ADAMTSL3: variants seen among roughly 807,000 people sequenced by gnomAD.
The protein encoded by ADAMTSL3 is ADAMTS like 3.
ADAMTSL3 carries 128 observed loss-of-function variants against 201.7 expected under a neutral mutation model. That is an observed-to-expected ratio of 0.63 (90% CI 0.55 to 0.73). ADAMTSL3 has a LOEUF of 0.73. ADAMTSL3 is among the 30% of genes least tolerant of loss of function. ADAMTSL3 has a pLI of 0.00. For missense variants in ADAMTSL3, 1,990 were observed against 2,119.6 expected, an observed-to-expected ratio of 0.94 and a Z score of 1.20; for synonymous variants, 738 against 748.4, an observed-to-expected ratio of 0.99 and a Z score of 0.23.
At chr15:83,663,296 C>T (rs748830260) in intron 2 of ADAMTSL3, among the ~76,000 whole-genome samples, 2 of 152,132 alleles carry the variant, frequency 1.3e-5, no homozygotes, top group African/African-American at 2.4e-5. Flanking sequence ...TCCTTGCAGC[C>T]GCCCCCAATC....
intron 2 of ADAMTSL3, among the ~76,000 whole-genome samples, chr15:83,690,417 A>T (rs966775899): frequency 6.6e-6 from 1 of 151,990 alleles, no homozygotes; most frequent in Non-Finnish European, 1.5e-5. Context: ...TGCAACTTGG[A>T]CTGTTGCCCC....
chr15:83,990,854 G>T (rs576764258), intron 22 of ADAMTSL3, among the ~76,000 whole-genome samples: 1 of 151,964 alleles, frequency 6.6e-6, no homozygotes, highest in African/African-American at 2.4e-5. Context: ...TTGTTGCAAT[G>T]TACCTTTGAA....
chr15:83,679,283 T>C (rs1204699490), intron 2 of ADAMTSL3, among the ~76,000 whole-genome samples: 1 of 152,184 alleles, frequency 6.6e-6, no homozygotes, highest in Non-Finnish European at 1.5e-5. Flanking sequence ...TTAAGATGGC[T>C]GCTTTAACAT....
intron 28 of ADAMTSL3, among the ~76,000 whole-genome samples, 194 bp downstream of exon 28, chr15:84,031,626 A>T (rs1263210952): frequency 6.6e-6 from 1 of 152,218 alleles, no homozygotes. Context: ...CACTATTTAT[A>T]ACTATAAATT....
chr15:83,968,013 A>G (rs1001848830), intron 19 of ADAMTSL3, among the ~76,000 whole-genome samples: 1 of 152,178 alleles, frequency 6.6e-6, no homozygotes, highest in Non-Finnish European at 1.5e-5. Flanking sequence ...CCTTCCTTAC[A>G]CCTTATACAA....
intron 19 of ADAMTSL3, among the ~76,000 whole-genome samples, chr15:83,949,169 C>T (rs759865470): frequency 9.2e-5 from 14 of 151,382 alleles, no homozygotes; most frequent in Non-Finnish European, 1.9e-4. Flanking sequence ...ACTACCCTAC[C>T]CAGCCTTTGA....
At chr15:83,678,070 C>T (rs1261853127) in intron 2 of ADAMTSL3, among the ~76,000 whole-genome samples, 3 of 151,950 alleles carry the variant, frequency 2.0e-5, no homozygotes, top group Admixed American at 6.6e-5. Flanking sequence ...ATTTAGGTCC[C>T]CTTATTCTTT....
At chr15:83,826,315 G>T (rs891828675) in intron 6 of ADAMTSL3, among the ~76,000 whole-genome samples, 2 of 151,846 alleles carry the variant, frequency 1.3e-5, no homozygotes, top group Non-Finnish European at 2.9e-5. Context: ...TAGAGATCAG[G>T]TCTCACTATG....
At chr15:83,682,394 A>G (rs1358364338) in intron 2 of ADAMTSL3, among the ~76,000 whole-genome samples, 1 of 152,218 alleles carries the variant, frequency 6.6e-6, no homozygotes, top group African/African-American at 2.4e-5. Context: ...AGGGGACTCT[A>G]CTTGTCACAC....
intron 3 of ADAMTSL3, among the ~76,000 whole-genome samples, chr15:83,752,087 T>C (rs2062645290): frequency 6.6e-6 from 1 of 152,134 alleles, no homozygotes; most frequent in Non-Finnish European, 1.5e-5. Flanking sequence ...AAATATTAAG[T>C]GTTATGAAAA....
At chr15:83,667,125 A>T (rs1220987850) in intron 2 of ADAMTSL3, among the ~76,000 whole-genome samples, 1 of 152,114 alleles carries the variant, frequency 6.6e-6, no homozygotes, top group African/African-American at 2.4e-5. Context: ...TCATGTTGGG[A>T]GAAAATATAT....
chr15:83,756,992 C>A (rs999084340), intron 3 of ADAMTSL3, among the ~76,000 whole-genome samples: 20 of 152,244 alleles, frequency 1.3e-4, no homozygotes, highest in Admixed American at 4.6e-4. Context: ...GCAGCTCTGT[C>A]CCTGTGGCTT....
chr15:83,849,132 T>A (rs2064558652), intron 7 of ADAMTSL3, among the ~76,000 whole-genome samples: 1 of 152,104 alleles, frequency 6.6e-6, no homozygotes, highest in South Asian at 2.1e-4. Flanking sequence ...TTTCTCTCCA[T>A]CTTATATGTT....
At chr15:83,846,199 C>A (rs969856978) in intron 7 of ADAMTSL3, among the ~76,000 whole-genome samples, 5 of 152,106 alleles carry the variant, frequency 3.3e-5, no homozygotes, top group African/African-American at 1.2e-4. Context: ...ATAATAATGG[C>A]CCCCAGGGTT....
chr15:83,942,447 T>G, intron 17 of ADAMTSL3, 149 bp from the exon 18 acceptor site: 1 of 638,458 alleles, frequency 1.6e-6, no homozygotes. Flanking sequence ...TTTAATTGCG[T>G]ATATTGATGG....
chr15:83,858,900 A>T, intron 8 of ADAMTSL3, 60 bp downstream of exon 8: 1 of 1,382,242 alleles, frequency 7.2e-7, no homozygotes, highest in South Asian at 1.3e-5. Flanking sequence ...AGCCAAAAAA[A>T]ACAAAAAACA....
intron 19 of ADAMTSL3, among the ~76,000 whole-genome samples, chr15:83,943,770 A>T (rs1423742323): frequency 6.6e-6 from 1 of 152,158 alleles, no homozygotes; most frequent in Non-Finnish European, 1.5e-5. Flanking sequence ...TTACTCTCCC[A>T]TCTCCAGACT....
intron 3 of ADAMTSL3, among the ~76,000 whole-genome samples, chr15:83,705,310 A>G (rs1271894500): frequency 6.6e-6 from 1 of 152,058 alleles, no homozygotes; most frequent in Non-Finnish European, 1.5e-5. Context: ...GAAGGTGAGG[A>G]GCTGGGGCAA....
chr15:83,793,297 G>A (rs577887011), intron 4 of ADAMTSL3, among the ~76,000 whole-genome samples: 1 of 152,160 alleles, frequency 6.6e-6, no homozygotes, highest in Non-Finnish European at 1.5e-5. Flanking sequence ...TTAATATATT[G>A]TATTATTGAA....
Sources: gnomAD v4.1 joint callset for allele counts (sites outside exome capture counted in the v4.1 genomes callset) on GRCh38, gnomAD v4.1.1 for gene constraint, MANE v1.5 for transcripts, NCBI Gene and HGNC (gene_info 2026-07-23, HGNC 2026-07-21) for gene names.